Variants in XKR6 observed in about 807,000 individuals in gnomAD.
The protein encoded by XKR6 is XK related 6.
A neutral mutation model predicts 56.7 loss-of-function variants in XKR6; 22 were observed. The ratio of observed to expected loss-of-function variants is 0.39; its 90% CI spans 0.28 to 0.55. XKR6 has a LOEUF of 0.55. XKR6 is among the 20% of genes least tolerant of loss of function. The pLI is 0.66. For missense variants in XKR6, 852 were observed against 889.0 expected (o/e 0.96, Z 0.53); for synonymous variants, 524 against 387.8 (o/e 1.35, Z -4.13).
At chr8:10,946,409 G>T (rs1801540338) in intron 1 of XKR6, among the ~76,000 whole-genome samples, 1 of 152,132 alleles carries the variant, frequency 6.6e-6, no homozygotes, top group South Asian at 2.1e-4. Context: ...TTGTACCTTT[G>T]TGTAAGCCTC....
intron 1 of XKR6, among the ~76,000 whole-genome samples, chr8:11,113,282 G>A (rs1443461990): frequency 2.0e-5 from 3 of 152,046 alleles, no homozygotes; most frequent in African/African-American, 7.2e-5. Flanking sequence ...CTATTTTTAG[G>A]AGAGTTAAAC....
chr8:11,094,876 C>T (rs1798217000), intron 1 of XKR6, among the ~76,000 whole-genome samples: 1 of 152,132 alleles, frequency 6.6e-6, no homozygotes, highest in Non-Finnish European at 1.5e-5. Context: ...ACACAGAATG[C>T]CACTAAAAAA....
At chr8:10,924,544 G>T (rs1800819443) in intron 2 of XKR6, 90 bp downstream of exon 2, 1 of 1,470,502 alleles carries the variant, frequency 6.8e-7, no homozygotes. Flanking sequence ...TGCCCACAGA[G>T]CGTGCCAGGC....
At chr8:10,903,424 C>T (rs1370542714) in intron 2 of XKR6, among the ~76,000 whole-genome samples, 1 of 152,056 alleles carries the variant, frequency 6.6e-6, no homozygotes, top group Non-Finnish European at 1.5e-5. Flanking sequence ...CTGGTTGTCC[C>T]GGAGAACTTG....
chr8:11,116,813 T>G (rs1240175894), intron 1 of XKR6, among the ~76,000 whole-genome samples: 1 of 152,150 alleles, frequency 6.6e-6, no homozygotes, highest in Non-Finnish European at 1.5e-5. Flanking sequence ...CTTCAACCAC[T>G]TGATGTTTTG....
intron 1 of XKR6, among the ~76,000 whole-genome samples, chr8:11,090,240 A>G (rs929362231): frequency 1.3e-5 from 2 of 152,032 alleles, no homozygotes; most frequent in Non-Finnish European, 2.9e-5. Context: ...GTGCACCAAC[A>G]GGCCCTGCTG....
intron 1 of XKR6, among the ~76,000 whole-genome samples, chr8:11,001,136 A>T (rs1196279630): frequency 6.6e-6 from 1 of 152,238 alleles, no homozygotes; most frequent in Non-Finnish European, 1.5e-5. Context: ...AAATTGGTTG[A>T]ACACGTGCTA....
intron 1 of XKR6, among the ~76,000 whole-genome samples, chr8:11,129,699 C>G (rs532827566): frequency 1.3e-5 from 2 of 152,286 alleles, no homozygotes; most frequent in South Asian, 4.1e-4. Flanking sequence ...TATCATAAAT[C>G]TATAATTTAA....
At position 10,904,911 on chromosome 8, in the gene XKR6, G is replaced by A. The variant is rs142696841; in HGVS notation, c.962-5995C>T. Among the ~76,000 whole-genome samples the A allele has an allele frequency of 8.6e-4, 131 of 152,274 alleles. 5 individuals carry two copies. In the East Asian group the frequency reaches 0.024, roughly 28 times the overall value. On this transcript the variant is annotated intron_variant, in intron 2 of 2. Transcript: ENST00000416569. ...GCCCTGCCTCACCCTCTCTCTGACC[G>A]AGAGCGTCAGCTCAGCCCCACCGCT...
At chr8:11,043,426 C>T (rs1448656759) in intron 1 of XKR6, among the ~76,000 whole-genome samples, 1 of 152,192 alleles carries the variant, frequency 6.6e-6, no homozygotes, top group South Asian at 2.1e-4. Context: ...AGGGAGCCGA[C>T]CCTGACCTCT....
chr8:10,945,403 G>C (rs1801504941), intron 1 of XKR6, among the ~76,000 whole-genome samples: 1 of 152,102 alleles, frequency 6.6e-6, no homozygotes. Flanking sequence ...ATAATTGCTT[G>C]AACTCGGGAG....
chr8:10,900,094 G>A (rs939709597), intron 2 of XKR6, among the ~76,000 whole-genome samples: 1 of 152,036 alleles, frequency 6.6e-6, no homozygotes, highest in Non-Finnish European at 1.5e-5. Context: ...CTAAATGTAA[G>A]TAAATGCAAC....
At chr8:11,184,713 G>A (rs1171944307) in intron 1 of XKR6, among the ~76,000 whole-genome samples, 1 of 151,248 alleles carries the variant, frequency 6.6e-6, no homozygotes, top group Non-Finnish European at 1.5e-5. Flanking sequence ...TTTCACTTTT[G>A]TAGATACGGG....
intron 1 of XKR6, among the ~76,000 whole-genome samples, chr8:10,973,904 T>G (rs1158174308): frequency 1.3e-5 from 2 of 152,212 alleles, no homozygotes; most frequent in Non-Finnish European, 2.9e-5. Flanking sequence ...ATTTCTTGAG[T>G]GTCTGCTTCT....
intron 1 of XKR6, among the ~76,000 whole-genome samples, chr8:11,178,448 C>T (rs1802772697): frequency 6.6e-6 from 1 of 151,178 alleles, no homozygotes; most frequent in African/African-American, 2.4e-5. Context: ...TGTACATGCA[C>T]ATTGAGGTTC....
chr8:11,114,749 G>A (rs184856846), intron 1 of XKR6, among the ~76,000 whole-genome samples: 2 of 136,866 alleles, frequency 1.5e-5, no homozygotes, highest in Non-Finnish European at 3.4e-5. Context: ...GTGTGTGTGT[G>A]TGTGTGTGTG....
intron 1 of XKR6, among the ~76,000 whole-genome samples, chr8:11,171,634 G>A (rs1039028834): frequency 6.6e-6 from 1 of 152,190 alleles, no homozygotes; most frequent in Non-Finnish European, 1.5e-5. Context: ...GCACACACAA[G>A]CCCTCTTAGC....
At chr8:11,056,985 C>G (rs1392837101) in intron 1 of XKR6, among the ~76,000 whole-genome samples, 1 of 152,212 alleles carries the variant, frequency 6.6e-6, no homozygotes, top group Non-Finnish European at 1.5e-5. Flanking sequence ...TGCCCACCAG[C>G]CCACGTCTGA....
chr8:11,201,107 A>C lies in XKR6; in HGVS notation c.233T>G (p.Leu78Arg). The C allele has an allele frequency of 1.2e-5, 17 of 1,403,152 alleles. No individual in the cohort carries two copies. Among genetic ancestry groups the C allele is most frequent in the East Asian group, 6.9e-5 (2 of 28,898 alleles). 86.9% of individuals were successfully genotyped at this position (1,403,152 alleles called of 1,614,324 possible). Reference sequence around the variant, plus strand: ...GGCGCTGCGGCGCGGCTTCCTGCCCAGGAGGGAGCGCAGGCAGGCGGAGCG... The same window carrying C: ...GGCGCTGCGGCGCGGCTTCCTGCCCCGGAGGGAGCGCAGGCAGGCGGAGCG... ...GCRSACLRSL[L>R]GRKPRRSAAA... The change falls in exon 1 of 3, where the codon CTG (leucine) becomes CGG (arginine). Residue 78 changes from leucine (L) to arginine (R), a missense_variant. By Grantham distance (102) the Leu-to-Arg change is moderately radical (BLOSUM62 -2). This residue lies in a region of XKR6 where 417 missense variants were observed against 355.2 expected (regional missense o/e 1.17). Coordinates refer to ENST00000416569, the MANE Select transcript of XKR6 (RefSeq NM_173683.4).
Sources: gnomAD v4.1 joint callset for allele counts (sites outside exome capture counted in the v4.1 genomes callset) on GRCh38, gnomAD v4.1.1 for gene constraint, gnomAD v4.1.1 regional missense constraint, MANE v1.5 for transcripts, NCBI Gene and HGNC (gene_info 2026-07-23, HGNC 2026-07-21) for gene names.